SREK1: variants seen among roughly 807,000 people sequenced by gnomAD.
SREK1 encodes the protein splicing regulatory glutamic acid and lysine rich protein 1.
SREK1 carries 13 observed loss-of-function variants against 66.5 expected under a neutral mutation model. The observed-to-expected ratio is 0.20, with a 90% confidence interval of 0.13 to 0.31. The LOEUF is 0.31. Ranked by LOEUF, SREK1 falls within the 10% of genes least tolerant of loss-of-function variation. SREK1 has a pLI of 1.00. For missense variants in SREK1, 607 were observed against 769.6 expected (o/e 0.79, Z 2.50); for synonymous variants, 265 against 263.5 (o/e 1.01, Z -0.05).
At chr5:66,178,091 CAAG>C (rs1746209429) in intron 11 of SREK1, among the ~76,000 whole-genome samples, 1 of 151,976 alleles carries the variant, frequency 6.6e-6, no homozygotes, top group African/African-American at 2.4e-5. Context: ...ATAAATACTT[CAAG>C]TAGTTGTGAA....
chr5:66,164,719 T>G, intron 6 of SREK1, 64 bp from the exon 7 acceptor site: 1 of 1,612,466 alleles, frequency 6.2e-7, no homozygotes, highest in East Asian at 2.2e-5. Context: ...CACTTGTGCC[T>G]GATTATTAAC....
At chr5:66,145,368 T>G (rs1743086349) in intron 1 of SREK1, among the ~76,000 whole-genome samples, 1 of 152,006 alleles carries the variant, frequency 6.6e-6, no homozygotes, top group South Asian at 2.1e-4. Context: ...CAAACTTTTT[T>G]TCTTTTTTAA....
chr5:66,144,498 T>G lies in SREK1; in HGVS notation c.122T>G (p.Phe41Cys). The change falls in exon 1 of 12, where the codon TTC becomes TGC. Residue 41 changes from phenylalanine (F) to cysteine (C), a missense_variant. By Grantham distance (205) the Phe-to-Cys change is radical. Transcript: ENST00000334121. ...GAGCAGATGCGGACGCTTTTTTCCT[T>G]CCTAGGAGAAATCGAGGAGCTGCGG... ...TSEQMRTLFS[F>C]LGEIEELRLY... 1 of 1,554,046 alleles carries G rather than the reference T, an allele frequency of 6.4e-7. No individual in the cohort carries two copies.
intron 8 of SREK1, 52 bp from the exon 9 acceptor site, chr5:66,170,533 G>C: frequency 1.9e-6 from 3 of 1,539,412 alleles, no homozygotes; most frequent in Non-Finnish European, 2.6e-6. Context: ...AGGTCTTTTT[G>C]GAGGAGGTAG....
intron 2 of SREK1, chr5:66,158,965 C>G (rs1370566771): frequency 4.5e-5 from 60 of 1,331,674 alleles, no homozygotes; most frequent in Non-Finnish European, 5.9e-5. Context: ...AAATAATTGT[C>G]TACATTATTC....
intron 2 of SREK1, chr5:66,155,935 C>T (rs549102586): frequency 1.4e-5 from 19 of 1,330,614 alleles, no homozygotes; most frequent in Admixed American, 1.0e-4. Flanking sequence ...GAAAAAGATA[C>T]GGTCAAACAT....
rs949642867 is a variant in SREK1, at chr5:66,182,791, C to T, written c.*3923C>T. 6.6e-6 allele frequency: 1 copy of T among 152,176 alleles called. No homozygotes were observed. The highest frequency in any genetic ancestry group is 2.4e-5 in the African/African-American group (1 of 41,436). 9.4% of individuals were successfully genotyped at this position (152,176 alleles called of 1,614,324 possible). A position where few individuals can be genotyped will look rare whatever the true frequency, so the allele number is the denominator to read the frequency against. ...CCATGTTGCCTAGACTGGTCTCAAA[C>T]TCCTGGGCTCAAACAATCTGTCTGC... On this transcript the variant is annotated 3_prime_UTR_variant, in exon 12 of 12. Transcript: ENST00000334121.
In SREK1 at chr5:66,178,681, G is replaced by A. The variant is rs988973905; in HGVS notation, c.1726-38G>A. ...TGTCGTCATAGCAGGCAGTTCTTGA[G>A]GAAAATATTAAATGCATACCTTAAT... is the stretch of plus-strand genomic sequence containing the variant. On this transcript the variant is annotated intron_variant, in intron 11 of 11. Transcript: ENST00000334121. 2.7e-6 allele frequency: 4 copies of A among 1,495,972 alleles called. No individual in the cohort carries two copies. The Admixed American group carries it at 6.3e-5, about 23-fold the overall frequency. 92.7% of individuals were successfully genotyped at this position (1,495,972 alleles called of 1,614,324 possible).
At chr5:66,167,595 G>T (rs975631709) in intron 7 of SREK1, 1 of 152,172 alleles carries the variant, frequency 6.6e-6, no homozygotes, top group African/African-American at 2.4e-5. Context: ...AAAACTACTA[G>T]TGGGTAAGAT....
In SREK1 at chr5:66,183,146, ATATTT is replaced by A. The variant is rs1746631863; in HGVS notation, c.*4285_*4289del. The A allele has an allele frequency of 6.6e-6, 1 of 152,070 alleles. No homozygotes were observed. The highest frequency in any genetic ancestry group is 2.4e-5 in the African/African-American group (1 of 41,414). 9.4% of individuals were successfully genotyped at this position (152,070 alleles called of 1,614,324 possible). A position where few individuals can be genotyped will look rare whatever the true frequency, so the allele number is the denominator to read the frequency against. ...GGGAGATTTCACATATTTTACCTCT[ATATTT>A]TATTTTTCCAGGATTGGTATGGAGG... On this transcript the variant is annotated 3_prime_UTR_variant, in exon 12 of 12. Transcript: ENST00000334121.
intron 9 of SREK1, 80 bp downstream of exon 9, chr5:66,171,027 G>GTTA: frequency 6.7e-7 from 1 of 1,502,400 alleles, no homozygotes; most frequent in Non-Finnish European, 8.9e-7. Flanking sequence ...GGGAGAAAAG[G>GTTA]TTACTGTACG....
chr5:66,164,558 A>C, intron 6 of SREK1: 1 of 1,479,092 alleles, frequency 6.8e-7, no homozygotes, highest in Non-Finnish European at 9.0e-7. Context: ...CAGCAACAAA[A>C]TATTACGAAC....
At chr5:66,152,957 TCA>T (rs1323379325) in intron 1 of SREK1, among the ~76,000 whole-genome samples, 1 of 152,190 alleles carries the variant, frequency 6.6e-6, no homozygotes, top group African/African-American at 2.4e-5. Flanking sequence ...TGGAAAATCA[TCA>T]CTGTCCAGCT....
chr5:66,155,416 A>G (rs1172188098), intron 2 of SREK1, among the ~76,000 whole-genome samples: 1 of 152,248 alleles, frequency 6.6e-6, no homozygotes, highest in Non-Finnish European at 1.5e-5. Context: ...AGATGAATTT[A>G]TGGAACCTCG....
Position 66,180,489 on chromosome 5 carries a change from G to A in SREK1, c.*1621G>A, listed in dbSNP as rs559766800. The stretch of plus-strand genomic sequence containing the variant: ...GTTTTCTTTTAATGTTAATAAGATT[G>A]AAACTTTAGTATTTAGTGGGGAATG... On this transcript the variant is annotated 3_prime_UTR_variant, in exon 12 of 12. Coordinates refer to ENST00000334121, the MANE Select transcript of SREK1 (RefSeq NM_001077199.3). 1.3e-5 allele frequency: 2 copies of A among 152,644 alleles called. No homozygotes were observed. The highest frequency in any genetic ancestry group is 2.9e-5 in the Non-Finnish European group (2 of 67,988). The allele number at this position is 152,644 out of a possible 1,614,324, so 9.5% of individuals were successfully genotyped here. A position where few individuals can be genotyped will look rare whatever the true frequency, so the allele number is the denominator to read the frequency against.
intron 1 of SREK1, among the ~76,000 whole-genome samples, chr5:66,150,462 CATTTTT>C (rs1743692836): frequency 6.6e-6 from 1 of 152,198 alleles, no homozygotes; most frequent in South Asian, 2.1e-4. Flanking sequence ...CCACAGGTAT[CATTTTT>C]GGGTGCATTT....
intron 2 of SREK1, among the ~76,000 whole-genome samples, chr5:66,155,735 A>C (rs1744231450): frequency 6.6e-6 from 1 of 152,236 alleles, no homozygotes; most frequent in Non-Finnish European, 1.5e-5. Context: ...TGTAGACAGT[A>C]ATGTGAGAAG....
At chr5:66,149,767 C>G (rs1165284078) in intron 1 of SREK1, among the ~76,000 whole-genome samples, 1 of 152,158 alleles carries the variant, frequency 6.6e-6, no homozygotes, top group Non-Finnish European at 1.5e-5. Context: ...TTATTATAAT[C>G]ACAGATTGTT....
rs113537611 is a variant in SREK1, at chr5:66,154,382, T to A, written c.295+786T>A. 2.2e-3 allele frequency among the ~76,000 whole-genome samples: 340 copies of A among 152,336 alleles called. 3 individuals are homozygous for A. The highest frequency in any genetic ancestry group is 7.7e-3 in the African/African-American group (322 of 41,586). On this transcript the variant is annotated intron_variant, in intron 2 of 11. Coordinates refer to ENST00000334121, the MANE Select transcript of SREK1 (RefSeq NM_001077199.3). ...ACTTCTGGTGTATAATTAACTTTTA[T>A]TCAGAGCACTGACTAGCATGTGTAC...
Sources: allele counts gnomAD v4.1 joint callset (sites outside exome capture counted in the v4.1 genomes callset), GRCh38; gene constraint gnomAD v4.1.1; transcripts MANE v1.5; gene names NCBI Gene and HGNC (gene_info 2026-07-23, HGNC 2026-07-21).